NF1: variants seen among roughly 807,000 people sequenced by gnomAD.
NF1 encodes the protein neurofibromin 1.
NF1 carries 122 observed loss-of-function variants against 325.7 expected under a neutral mutation model. The ratio of observed to expected loss-of-function variants is 0.37; its 90% CI spans 0.32 to 0.44. The LOEUF (loss-of-function observed/expected upper bound fraction) is 0.44. Among genes scored for constraint, NF1 ranks in the 20% least tolerant of loss-of-function variants. The pLI is 1.00. For missense variants in NF1, 2,140 were observed against 3,415.4 expected, an observed-to-expected ratio of 0.63 and a Z score of 9.31; for synonymous variants, 1,091 against 1,186.0, an observed-to-expected ratio of 0.92 and a Z score of 1.65.
Position 31,203,777 on chromosome 17 carries a change from T to C in NF1, c.1260+2292T>C, listed in dbSNP as rs73273587. Among the ~76,000 whole-genome samples the C allele has an allele frequency of 1.6e-3, 250 of 151,998 alleles. 1 individual carries two copies. Among genetic ancestry groups the C allele is most frequent in the African/African-American group, 5.8e-3 (240 of 41,456 alleles). On this transcript the variant is annotated intron_variant, in intron 11 of 57. Transcript: ENST00000358273. ...CATGGTTCTTTAGCCAGTCCACACA[T>C]TTTTTTTAAAGCATCACATTCTCAA...
chr17:31,373,884 T>G (rs1368005481), intron 57 of NF1, 129 bp from the exon 58 acceptor site: 2 of 1,152,672 alleles, frequency 1.7e-6, no homozygotes, highest in African/African-American at 3.1e-5. Flanking sequence ...TCCACAATAT[T>G]TGCACAGACA....
intron 1 of NF1, among the ~76,000 whole-genome samples, chr17:31,146,229 C>T (rs553107189): frequency 1.6e-4 from 25 of 152,212 alleles, no homozygotes; most frequent in Non-Finnish European, 1.9e-4. Flanking sequence ...TGTTGGCAGA[C>T]GGTTCAGGAA....
At chr17:31,165,176 A>G (rs1273134623) in intron 4 of NF1, among the ~76,000 whole-genome samples, 1 of 152,204 alleles carries the variant, frequency 6.6e-6, no homozygotes, top group East Asian at 1.9e-4. Flanking sequence ...CTAGTCACCA[A>G]AGGTTTTACT....
chr17:31,111,075 A>AC (rs527951936), intron 1 of NF1, among the ~76,000 whole-genome samples: 9 of 151,522 alleles, frequency 5.9e-5, no homozygotes, highest in East Asian at 1.9e-4. Flanking sequence ...ACCATCACAA[A>AC]CCCCCCCATT....
intron 1 of NF1, among the ~76,000 whole-genome samples, chr17:31,145,858 C>G (rs1447552127): frequency 6.6e-6 from 1 of 152,162 alleles, no homozygotes; most frequent in African/African-American, 2.4e-5. Context: ...TTTACCAAGA[C>G]AGGAAACATG....
chr17:31,308,394 G>A (rs765979166), intron 36 of NF1, among the ~76,000 whole-genome samples: 8 of 152,082 alleles, frequency 5.3e-5, no homozygotes, highest in Non-Finnish European at 1.0e-4. Flanking sequence ...GTCCGCCTCA[G>A]CCTCCCAAAA....
intron 54 of NF1, 138 bp from the exon 55 acceptor site, chr17:31,358,342 G>T: frequency 1.2e-6 from 1 of 850,288 alleles, no homozygotes. Context: ...ATGAAGAAAT[G>T]CCCCAGAAAG....
rs551104584 is a variant in NF1 at position 31,152,409 on chromosome 17, G to C, written c.61-3574G>C. 2.0e-5 allele frequency among the ~76,000 whole-genome samples: 3 copies of C among 149,136 alleles called. No homozygotes were observed. In the East Asian group the frequency reaches 6.0e-4, roughly 30 times the overall value. Reference sequence around the variant, plus strand: ...AATATCCACTTTATTCCATTGGTTTGGTTTCTTTCTTTGGTGACTCCTGTT... The same window carrying C: ...AATATCCACTTTATTCCATTGGTTTCGTTTCTTTCTTTGGTGACTCCTGTT... On this transcript the variant is annotated intron_variant, in intron 1 of 57. Transcript: ENST00000358273.
intron 36 of NF1, chr17:31,319,136 G>T: frequency 8.9e-7 from 1 of 1,120,640 alleles, no homozygotes; most frequent in Non-Finnish European, 1.3e-6. Context: ...ACAAGCTTAT[G>T]CCTAATATTC....
chr17:31,138,718 T>G (rs1178222640), intron 1 of NF1, among the ~76,000 whole-genome samples: 4 of 150,478 alleles, frequency 2.7e-5, no homozygotes, highest in Non-Finnish European at 1.5e-5. Flanking sequence ...CTCAGCCTCC[T>G]GAGTAGCTGG....
chr17:31,340,586 A>G lies in NF1; in HGVS notation c.7003A>G (p.Thr2335Ala), dbSNP rs370209920. The G allele has an allele frequency of 1.8e-5, 29 of 1,614,042 alleles. No homozygotes were observed. The highest frequency in any genetic ancestry group is 2.4e-5 in the Non-Finnish European group (28 of 1,180,016). Reference protein sequence around the residue: ...LDEVNLYSAGTALLEQNLHTL... With the variant: ...LDEVNLYSAGAALLEQNLHTL... ...TGAGGTCAACTTGTATTCAGCAGGT[A>G]CCGCACTTCTTGAACAAAACCTGCA... The change falls in exon 47 of 58, where the codon ACC becomes GCC. Residue 2335 changes from threonine to alanine, a missense_variant. Transcript: ENST00000358273.
At chr17:31,143,237 T>A (rs1228487343) in intron 1 of NF1, among the ~76,000 whole-genome samples, 1 of 151,976 alleles carries the variant, frequency 6.6e-6, no homozygotes, top group Non-Finnish European at 1.5e-5. Context: ...TTGTTTTTTT[T>A]AAATCACACA....
chr17:31,281,415 A>G (rs1597775865), intron 36 of NF1, among the ~76,000 whole-genome samples: 1 of 109,524 alleles, frequency 9.1e-6, no homozygotes. Flanking sequence ...CTATAATGCT[A>G]GAAAAAAGTC....
chr17:31,105,184 C>CTACT (rs1323504479), intron 1 of NF1, among the ~76,000 whole-genome samples: 11 of 152,152 alleles, frequency 7.2e-5, no homozygotes, highest in South Asian at 4.1e-4. Flanking sequence ...CAGGCGTGAA[C>CTACT]TACTGTGCTG....
At position 31,250,016 on chromosome 17, in the gene NF1, A is replaced by G. The variant is rs17880769; in HGVS notation, c.4110+897A>G. ...TCAGTTGCTTAGAGACGTTAACAGC[A>G]TCATTGAAATCACCATTTTAAAAGC... On this transcript the variant is annotated intron_variant, in intron 30 of 57. Transcript: ENST00000358273. The G allele has an allele frequency of 6.8e-4, 340 of 497,740 alleles. 1 individual carries two copies. The highest frequency in any genetic ancestry group is 6.2e-3 in the African/African-American group (320 of 51,828). 30.8% of individuals were successfully genotyped at this position (497,740 alleles called of 1,614,324 possible).
intron 3 of NF1, among the ~76,000 whole-genome samples, 165 bp from the exon 4 acceptor site, chr17:31,163,021 C>CA (rs2143668378): frequency 6.6e-6 from 1 of 152,122 alleles, no homozygotes; most frequent in East Asian, 1.9e-4. Context: ...TATCTATAGA[C>CA]AGATGTAGCA....
At chr17:31,368,601 C>T (rs1181392445) in intron 57 of NF1, among the ~76,000 whole-genome samples, 1 of 152,192 alleles carries the variant, frequency 6.6e-6, no homozygotes, top group Non-Finnish European at 1.5e-5. Flanking sequence ...ATTAGCTTCA[C>T]TCATTTTACA....
At chr17:31,206,841 T>C (rs1196730798) in intron 12 of NF1, among the ~76,000 whole-genome samples, 2 of 152,130 alleles carry the variant, frequency 1.3e-5, no homozygotes, top group Non-Finnish European at 1.5e-5. Flanking sequence ...AATAAAAATA[T>C]TTTGTATTTC....
intron 8 of NF1, among the ~76,000 whole-genome samples, chr17:31,195,317 A>G (rs2066415475): frequency 6.6e-6 from 1 of 152,070 alleles, no homozygotes; most frequent in Non-Finnish European, 1.5e-5. Flanking sequence ...ATAACTCATT[A>G]ATCACCTTTT....
Sources: allele counts gnomAD v4.1 joint callset (sites outside exome capture counted in the v4.1 genomes callset), GRCh38; gene constraint gnomAD v4.1.1; transcripts MANE v1.5; gene names NCBI Gene and HGNC (gene_info 2026-07-23, HGNC 2026-07-21).